ATP8A1: variants seen among roughly 807,000 people sequenced by gnomAD.
ATP8A1 encodes ATPase phospholipid transporting 8A1, also known as phospholipid-transporting ATPase IA.
A neutral mutation model predicts 177.7 loss-of-function variants in ATP8A1; 90 were observed. The observed-to-expected ratio is 0.51, with a 90% CI of 0.43 to 0.60. The LOEUF (loss-of-function observed/expected upper bound fraction) is 0.60, where lower values mean the gene tolerates loss of function less well. ATP8A1 is among the 20% of genes least tolerant of loss of function. The pLI, the probability that ATP8A1 is intolerant of heterozygous loss-of-function variation, is 0.00. For synonymous variants in ATP8A1, 493 were observed against 485.9 expected (o/e 1.01, Z -0.19); for missense variants, 1,072 against 1,392.8 (o/e 0.77, Z 3.67).
intron 1 of ATP8A1, among the ~76,000 whole-genome samples, chr4:42,638,512 C>G (rs1739616199): frequency 6.6e-6 from 1 of 152,154 alleles, no homozygotes; most frequent in South Asian, 2.1e-4. Flanking sequence ...AACAGTCAAT[C>G]TTGTTGGCAG....
At chr4:42,517,112 C>T (rs759374065) in intron 22 of ATP8A1, among the ~76,000 whole-genome samples, 106 of 150,346 alleles carry the variant, frequency 7.1e-4, no homozygotes, top group African/African-American at 2.2e-3. Context: ...CCATCCTGGC[C>T]AACATGGTGA....
At chr4:42,526,479 G>T (rs1337862965) in intron 20 of ATP8A1, among the ~76,000 whole-genome samples, 1 of 152,174 alleles carries the variant, frequency 6.6e-6, no homozygotes, top group Non-Finnish European at 1.5e-5. Flanking sequence ...CCCTTAATCT[G>T]GGTGGGCACA....
intron 21 of ATP8A1, among the ~76,000 whole-genome samples, chr4:42,523,679 A>C (rs560949929): frequency 1.3e-5 from 2 of 152,270 alleles, no homozygotes; most frequent in East Asian, 3.9e-4. Context: ...TATCTTTAAC[A>C]TCACATCTAG....
intron 20 of ATP8A1, among the ~76,000 whole-genome samples, chr4:42,530,559 T>A (rs1727161267): frequency 6.6e-6 from 1 of 152,192 alleles, no homozygotes; most frequent in East Asian, 1.9e-4. Flanking sequence ...GCACTGCCTC[T>A]GGCCAAGGCA....
In ATP8A1 at chr4:42,522,214, T is replaced by C. The variant is rs1419904534; in HGVS notation, c.1893A>G (p.Thr631=). ...GTTTGAGTAGCCTGTTCTGCACAGA[T>C]GTAGATGCTCGCTGATAGACTGCTC... The part of the protein sequence containing the change: ...EWRAVYQRAS[T]SVQNRLLKLE... The change falls in exon 22 of 37, where the codon ACA becomes ACG. Residue 631 remains threonine, a synonymous_variant. Coordinates refer to ENST00000381668, the MANE Select transcript of ATP8A1 (RefSeq NM_006095.2). 1.2e-6 allele frequency: 2 copies of C among 1,613,808 alleles called. No homozygotes were observed. The highest frequency in any genetic ancestry group is 1.7e-5 in the Admixed American group (1 of 59,986).
intron 18 of ATP8A1, among the ~76,000 whole-genome samples, chr4:42,549,855 C>G (rs1398895041): frequency 6.6e-6 from 1 of 151,896 alleles, no homozygotes; most frequent in Non-Finnish European, 1.5e-5. Context: ...AAAATAATTA[C>G]CAAATACAAC....
intron 33 of ATP8A1, among the ~76,000 whole-genome samples, chr4:42,435,205 C>T (rs1216468901): frequency 5.9e-5 from 9 of 151,686 alleles, no homozygotes; most frequent in Non-Finnish European, 1.0e-4. Flanking sequence ...ATGGGTGGAT[C>T]ACCTGAGGTC....
chr4:42,503,245 T>G (rs1560397408), intron 24 of ATP8A1, among the ~76,000 whole-genome samples: 1 of 152,362 alleles, frequency 6.6e-6, no homozygotes, highest in East Asian at 1.9e-4. Flanking sequence ...ATTTTGCAAT[T>G]TCTTTTAGCT....
intron 25 of ATP8A1, among the ~76,000 whole-genome samples, chr4:42,478,243 C>A (rs1166118346): frequency 1.3e-5 from 2 of 151,950 alleles, no homozygotes; most frequent in Non-Finnish European, 2.9e-5. Context: ...GTGGTCCCAG[C>A]TACTTGGGAG....
chr4:42,548,552 C>A (rs569350580), intron 19 of ATP8A1, among the ~76,000 whole-genome samples: 1 of 152,258 alleles, frequency 6.6e-6, no homozygotes, highest in South Asian at 2.1e-4. Context: ...TGTCTGGGAA[C>A]ATTTTAAGTC....
intron 5 of ATP8A1, among the ~76,000 whole-genome samples, chr4:42,608,237 T>A (rs561206999): frequency 2.7e-5 from 4 of 150,746 alleles, no homozygotes; most frequent in African/African-American, 9.7e-5. Context: ...GGTGCTGACT[T>A]ACACTCTAAC....
chr4:42,649,118 A>C (rs1355240897), intron 1 of ATP8A1, among the ~76,000 whole-genome samples: 3 of 152,216 alleles, frequency 2.0e-5, no homozygotes, highest in African/African-American at 7.2e-5. Flanking sequence ...CAAGAGTTTA[A>C]AAAACTGAAA....
At chr4:42,587,808 C>T (rs188424702) in intron 8 of ATP8A1, among the ~76,000 whole-genome samples, 50 of 152,096 alleles carry the variant, frequency 3.3e-4, no homozygotes, top group African/African-American at 1.2e-3. Flanking sequence ...CAGGGTTTCA[C>T]CGTGTTAGCC....
rs114655577 is a variant in ATP8A1 at position 42,513,073 on chromosome 4, A to G, written c.1948-5919T>C. On this transcript the variant is annotated intron_variant, in intron 22 of 36. Transcript: ENST00000381668. ...GGCAGTGGGTGGATTTAGCCCTTGA[A>G]CTGGAGTTTGCAACTCCTGATGTAG... Among the ~76,000 whole-genome samples, 208 of 152,282 alleles carry G rather than the reference A, an allele frequency of 1.4e-3. 1 individual carries two copies. The highest frequency in any genetic ancestry group is 4.8e-3 in the African/African-American group (198 of 41,544).
rs760381619 is a variant in ATP8A1 at position 42,414,672 on chromosome 4, G to A, written c.3352C>T (p.His1118Tyr). The stretch of plus-strand genomic sequence containing the variant: ...GATTCAGAGCGGTACAAGTTCACGT[G>A]GTTCTTCTTAAAGACGTTCTTGAGC... The part of the protein sequence containing the change: ...QLLKNVFKKN[H>Y]VNLYRSESLQ... The change falls in exon 36 of 37, where the codon CAC (histidine) becomes TAC (tyrosine). Residue 1118 changes from histidine to tyrosine, a missense_variant. Around this residue, in one of 5 missense-constraint regions of ATP8A1, gnomAD observed 316 missense variants for 459.1 expected, o/e 0.69. Transcript: ENST00000381668. 1 of 1,613,788 alleles carries A rather than the reference G, an allele frequency of 6.2e-7. No homozygotes were observed. The highest frequency in any genetic ancestry group is 8.5e-7 in the Non-Finnish European group (1 of 1,179,848).
At chr4:42,570,641 C>T (rs1035433243) in intron 14 of ATP8A1, among the ~76,000 whole-genome samples, 8 of 152,172 alleles carry the variant, frequency 5.3e-5, no homozygotes, top group Non-Finnish European at 8.8e-5. Context: ...ACCTAGAGCC[C>T]GATGAGCAGT....
At chr4:42,613,401 C>T (rs1301113603) in intron 5 of ATP8A1, among the ~76,000 whole-genome samples, 1 of 152,006 alleles carries the variant, frequency 6.6e-6, no homozygotes, top group Non-Finnish European at 1.5e-5. Flanking sequence ...TCCATGGATG[C>T]TCAAGTCCCT....
At chr4:42,638,078 A>G (rs1186027740) in intron 1 of ATP8A1, among the ~76,000 whole-genome samples, 1 of 152,214 alleles carries the variant, frequency 6.6e-6, no homozygotes, top group Non-Finnish European at 1.5e-5. Context: ...ATGACCCTTC[A>G]GGAAAGTCCC....
chr4:42,648,810 T>C (rs1357261838), intron 1 of ATP8A1, among the ~76,000 whole-genome samples: 1 of 152,088 alleles, frequency 6.6e-6, no homozygotes, highest in Non-Finnish European at 1.5e-5. Context: ...AAAAAAATAA[T>C]CACTACATTT....
Sources: gnomAD v4.1 joint callset for allele counts (sites outside exome capture counted in the v4.1 genomes callset) on GRCh38, gnomAD v4.1.1 for gene constraint, gnomAD v4.1.1 regional missense constraint, MANE v1.5 for transcripts, NCBI Gene and HGNC (gene_info 2026-07-23, HGNC 2026-07-21) for gene names.